SBNO1: variants seen among roughly 807,000 people sequenced by gnomAD.
The protein encoded by SBNO1 is strawberry notch homolog 1.
In SBNO1, 23 loss-of-function variants were observed where a neutral mutation model predicts 173.6. The ratio of observed to expected loss-of-function variants is 0.13; its 90% confidence interval spans 0.10 to 0.19. SBNO1 has a LOEUF of 0.19. Among genes scored for constraint, SBNO1 ranks in the 10% least tolerant of loss-of-function variants. SBNO1 has a pLI of 1.00. For missense variants in SBNO1, 1,238 were observed against 1,671.2 expected (o/e 0.74, Z 4.52); for synonymous variants, 632 against 571.5 (o/e 1.11, Z -1.51).
chr12:123,295,774 T>C lies in SBNO1; in HGVS notation c.*134A>G. On this transcript the variant is annotated 3_prime_UTR_variant, in exon 32 of 32. Transcript: ENST00000602398. ...TTGCTATCTATTCCAGGTTTGTCCT[T>C]ACTCCCAAAAAAACTAACTAGAGAG... is the stretch of plus-strand genomic sequence containing the variant. 1 of 1,185,102 alleles carries C rather than the reference T, an allele frequency of 8.4e-7. No homozygotes were observed. The highest frequency in any genetic ancestry group is 1.5e-5 in the African/African-American group (1 of 65,658). The allele number at this position is 1,185,102 out of a possible 1,614,324, so 73.4% of individuals were successfully genotyped here.
chr12:123,318,203 G>A lies in SBNO1; in HGVS notation c.2800-847C>T, dbSNP rs1451231272. Among the ~76,000 whole-genome samples the A allele has an allele frequency of 2.0e-5, 3 of 152,180 alleles. No individual in the cohort carries two copies. The East Asian group carries it at 5.8e-4, about 29-fold the overall frequency. ...TCTTGTAATCCTAGTACTTTGAGAG[G>A]CCGAGGCAGACGGATCATTTGAGGT... is the stretch of plus-strand genomic sequence containing the variant. On this transcript the variant is annotated intron_variant, in intron 20 of 31. Coordinates refer to ENST00000602398, the MANE Select transcript of SBNO1 (RefSeq NM_001167856.3).
At chr12:123,327,670 T>G in intron 12 of SBNO1, 37 bp downstream of exon 12, 1 of 1,577,996 alleles carries the variant, frequency 6.3e-7, no homozygotes, top group Middle Eastern at 1.7e-4. Flanking sequence ...CTTCTTAGAT[T>G]GCTACTGAGA....
Position 123,353,077 on chromosome 12 carries a change from C to G in SBNO1, c.1-2636G>C, listed in dbSNP as rs537476684. Among the ~76,000 whole-genome samples the G allele has an allele frequency of 7.2e-5, 11 of 152,234 alleles. 1 individual carries two copies. The South Asian group carries it at 2.3e-3, about 32-fold the overall frequency. On this transcript the variant is annotated intron_variant, in intron 1 of 31. Coordinates refer to ENST00000602398, the MANE Select transcript of SBNO1 (RefSeq NM_001167856.3). Reference sequence around the variant, plus strand: ...CTTCCCAAAGTGCTAGGATTAGAGGCGTGCACCACCGCGCCCAGCCTCCCA... The same window carrying G: ...CTTCCCAAAGTGCTAGGATTAGAGGGGTGCACCACCGCGCCCAGCCTCCCA...
chr12:123,364,004 C>G, intron 1 of SBNO1: 5 of 985,486 alleles, frequency 5.1e-6, no homozygotes, highest in Non-Finnish European at 6.0e-6. Context: ...CAAACGCTCT[C>G]AAAGTAAGCA....
rs1308213119 is a variant in SBNO1, at chr12:123,318,972, T to G, written c.2799+928A>C. Among the ~76,000 whole-genome samples, 8 of 151,866 alleles carry G rather than the reference T, an allele frequency of 5.3e-5. 1 individual carries two copies. The highest frequency in any genetic ancestry group is 5.2e-4 in the Admixed American group (8 of 15,256). On this transcript the variant is annotated intron_variant, in intron 20 of 31. Transcript: ENST00000602398. ...CCAAGATGAACTAAGGGAACGTTTTTTTTTTTTTTTTGAGACAGTCTCACT... is the reference window on the plus strand; with the variant it reads ...CCAAGATGAACTAAGGGAACGTTTTGTTTTTTTTTTTGAGACAGTCTCACT...
At chr12:123,357,645 C>T (rs906669987) in intron 1 of SBNO1, among the ~76,000 whole-genome samples, 6 of 151,860 alleles carry the variant, frequency 4.0e-5, no homozygotes, top group African/African-American at 1.5e-4. Context: ...GTCCCAGCTA[C>T]TCGGGAGGCT....
intron 3 of SBNO1, among the ~76,000 whole-genome samples, chr12:123,346,455 G>C (rs936011684): frequency 6.6e-6 from 1 of 150,758 alleles, no homozygotes; most frequent in Non-Finnish European, 1.5e-5. Context: ...ACGAGGTCAG[G>C]AGATCGAGAC....
Position 123,293,922 on chromosome 12 carries a change from G to C in SBNO1, c.*1986C>G, listed in dbSNP as rs61953419. On this transcript the variant is annotated 3_prime_UTR_variant, in exon 32 of 32. Transcript: ENST00000602398. ...GCGACTGCACCTCCACCACTGGAGT[G>C]GGGGACACTTCCATTGCTGATGGAA... The C allele has an allele frequency of 6.6e-6, 1 of 152,216 alleles. No homozygotes were observed. Among genetic ancestry groups the C allele is most frequent in the Non-Finnish European group, 1.5e-5 (1 of 68,062 alleles). 9.4% of individuals were successfully genotyped at this position (152,216 alleles called of 1,614,324 possible).
At position 123,301,841 on chromosome 12, in the gene SBNO1, T is replaced by C. The variant is rs549999397; in HGVS notation, c.3845+983A>G. Among the ~76,000 whole-genome samples the C allele has an allele frequency of 3.9e-5, 6 of 152,202 alleles. No homozygotes were observed. The South Asian group carries it at 1.2e-3, about 32-fold the overall frequency. On this transcript the variant is annotated intron_variant, in intron 30 of 31. Coordinates refer to ENST00000602398, the MANE Select transcript of SBNO1 (RefSeq NM_001167856.3). The stretch of plus-strand genomic sequence containing the variant: ...CTGCAGTGAGCTATGATTGCTGCAC[T>C]GTACTCCAGCCTAGGTGATATAGGG...
rs1222680032 is a variant in SBNO1 at position 123,292,892 on chromosome 12, G to A, written c.*3016C>T. ...AATGCATTAATACTCCTATGAATTT[G>A]TATCATTGATAGTGTATCTGGATAA... On this transcript the variant is annotated 3_prime_UTR_variant, in exon 32 of 32. Transcript: ENST00000602398. The A allele has an allele frequency of 6.6e-6, 1 of 152,192 alleles. No individual in the cohort carries two copies. The highest frequency in any genetic ancestry group is 6.5e-5 in the Admixed American group (1 of 15,280). The allele number at this position is 152,192 out of a possible 1,614,324, so 9.4% of individuals were successfully genotyped here.
chr12:123,298,329 C>T (rs778949681), intron 30 of SBNO1, among the ~76,000 whole-genome samples, 158 bp from the exon 31 acceptor site: 2 of 151,958 alleles, frequency 1.3e-5, no homozygotes, highest in Non-Finnish European at 2.9e-5. Context: ...CGCAGTGGTG[C>T]GATCTCGGCT....
At chr12:123,364,652 T>G in intron 1 of SBNO1, 49 bp downstream of exon 1, 1 of 979,046 alleles carries the variant, frequency 1.0e-6, no homozygotes, top group Non-Finnish European at 1.2e-6. Flanking sequence ...TGGGAGGCTG[T>G]CCGGGAGGGG....
chr12:123,295,685 A>G lies in SBNO1; in HGVS notation c.*223T>C. ...TCACCCGAAGTAAAAGCAGATGGGA[A>G]TTATCAGGGGAGAAGCTAAAGGAAA... On this transcript the variant is annotated 3_prime_UTR_variant, in exon 32 of 32. Transcript: ENST00000602398. 1 of 526,998 alleles carries G rather than the reference A, an allele frequency of 1.9e-6. No individual in the cohort carries two copies. The highest frequency in any genetic ancestry group is 3.4e-6 in the Non-Finnish European group (1 of 294,532). 32.6% of individuals were successfully genotyped at this position (526,998 alleles called of 1,614,324 possible). A position where few individuals can be genotyped will look rare whatever the true frequency, so the allele number is the denominator to read the frequency against.
rs766422320 is a variant in SBNO1, at chr12:123,321,522, A to ATACTGAACT, written c.2323+4_2323+12dup. ...TTATATGCTTTCGTGTATATTTAAT[A>ATACTGAACT]TACTGAACTTACCATTTTCATCATC... is the stretch of plus-strand genomic sequence containing the variant. On this transcript the variant is annotated intron_variant, in intron 17 of 31. Coordinates refer to ENST00000602398, the MANE Select transcript of SBNO1 (RefSeq NM_001167856.3). The ATACTGAACT allele has an allele frequency of 1.9e-6, 3 of 1,572,936 alleles. No individual in the cohort carries two copies. The South Asian group carries it at 3.3e-5, about 17-fold the overall frequency.
rs994582142 is a variant in SBNO1, at chr12:123,314,615, C to T, written c.3120+758G>A. On this transcript the variant is annotated intron_variant, in intron 23 of 31. Transcript: ENST00000602398. Reference sequence around the variant, plus strand: ...AGTGCTGGATTACAGGCGTGAGCCACTGTGCCCAGCCACGCCCAACTAATT... The same window carrying T: ...AGTGCTGGATTACAGGCGTGAGCCATTGTGCCCAGCCACGCCCAACTAATT... 5.3e-5 allele frequency among the ~76,000 whole-genome samples: 8 copies of T among 151,916 alleles called. No individual in the cohort carries two copies. In the East Asian group the frequency reaches 1.6e-3, roughly 29 times the overall value.
In SBNO1 at chr12:123,295,200, G is replaced by A. The variant is rs1373648866; in HGVS notation, c.*708C>T. ...ACCAGAAACCCAGGGCAGGGAGAAG[G>A]GGAAGGAGGGGTCTGCAGGGTTTGA... On this transcript the variant is annotated 3_prime_UTR_variant, in exon 32 of 32. Transcript: ENST00000602398. 6.6e-6 allele frequency: 1 copy of A among 152,164 alleles called. No homozygotes were observed. The highest frequency in any genetic ancestry group is 1.5e-5 in the Non-Finnish European group (1 of 68,040). 9.4% of individuals were successfully genotyped at this position (152,164 alleles called of 1,614,324 possible).
At chr12:123,330,860 G>A (rs1310507640) in intron 8 of SBNO1, among the ~76,000 whole-genome samples, 2 of 152,144 alleles carry the variant, frequency 1.3e-5, no homozygotes, top group Non-Finnish European at 2.9e-5. Context: ...CTGAGGTAGA[G>A]GCTGCAGTGA....
intron 7 of SBNO1, 125 bp from the exon 8 acceptor site, chr12:123,331,500 T>C: frequency 5.8e-6 from 5 of 868,818 alleles, no homozygotes; most frequent in Admixed American, 3.1e-5. Context: ...TTTGTGACTT[T>C]ATTTTTACAT....
At chr12:123,314,598 A>C (rs1566029689) in intron 23 of SBNO1, among the ~76,000 whole-genome samples, 1 of 151,058 alleles carries the variant, frequency 6.6e-6, no homozygotes, top group African/African-American at 2.4e-5. Context: ...AAAGTGCTGG[A>C]TTACAGGCGT....
Sources: gnomAD v4.1 joint callset for allele counts (sites outside exome capture counted in the v4.1 genomes callset) on GRCh38, gnomAD v4.1.1 for gene constraint, MANE v1.5 for transcripts, NCBI Gene and HGNC (gene_info 2026-07-23, HGNC 2026-07-21) for gene names.